The following DLG2 variants were observed in gnomAD, a reference collection of about 807,000 sequenced individuals.
DLG2 encodes discs large MAGUK scaffold protein 2, also known as disks large homolog 2.
Under a neutral mutation model 132.5 loss-of-function variants are expected in DLG2, and 45 were observed. The observed-to-expected ratio is 0.34, with a 90% CI of 0.27 to 0.44. The LOEUF is 0.44. Ranked by LOEUF, DLG2 falls within the 20% of genes least tolerant of loss-of-function variation. DLG2 has a pLI of 1.00. For synonymous variants in DLG2, 424 were observed against 419.6 expected, an observed-to-expected ratio of 1.01 and a Z score of -0.13; for missense variants, 1,045 against 1,196.9, an observed-to-expected ratio of 0.87 and a Z score of 1.87.
At chr11:83,580,803 CCCCTG>C in intron 19 of DLG2, among the ~76,000 whole-genome samples, 2 of 127,974 alleles carry the variant, frequency 1.6e-5, no homozygotes, top group South Asian at 3.0e-4. Flanking sequence ...CTCCCTCCCT[CCCCTG>C]CCCCGCCAGG....
At chr11:85,012,650 CAA>C (rs749792411) in intron 6 of DLG2, among the ~76,000 whole-genome samples, 12 of 151,922 alleles carry the variant, frequency 7.9e-5, no homozygotes, top group South Asian at 2.1e-4. Context: ...GCTGATTAAA[CAA>C]ATAGATAAAT....
At chr11:84,571,744 G>A (rs919356774) in intron 6 of DLG2, among the ~76,000 whole-genome samples, 3 of 152,210 alleles carry the variant, frequency 2.0e-5, no homozygotes, top group Non-Finnish European at 2.9e-5. Context: ...AGTGAGTGGT[G>A]TGGATATGAG....
intron 4 of DLG2, among the ~76,000 whole-genome samples, chr11:85,172,946 A>G (rs747607050): frequency 6.6e-6 from 1 of 152,180 alleles, no homozygotes. Flanking sequence ...TGAACAAACC[A>G]AACCTCTGAG....
At chr11:85,406,543 C>T (rs367678823) in intron 3 of DLG2, among the ~76,000 whole-genome samples, 3 of 151,960 alleles carry the variant, frequency 2.0e-5, no homozygotes, top group East Asian at 1.9e-4. Flanking sequence ...CCAATTACAA[C>T]TTTAGTGGCT....
intron 6 of DLG2, among the ~76,000 whole-genome samples, chr11:84,852,340 C>T (rs2082260258): frequency 6.6e-6 from 1 of 151,972 alleles, no homozygotes; most frequent in Non-Finnish European, 1.5e-5. Flanking sequence ...ATCAAGAAAA[C>T]GTGATGCAAG....
intron 3 of DLG2, among the ~76,000 whole-genome samples, chr11:85,355,104 G>A (rs550194186): frequency 1.3e-5 from 2 of 152,008 alleles, no homozygotes; most frequent in Admixed American, 6.6e-5. Flanking sequence ...TATAATACAT[G>A]AAATTTTTGT....
chr11:85,267,493 T>A (rs548342419), intron 4 of DLG2, among the ~76,000 whole-genome samples: 1 of 152,154 alleles, frequency 6.6e-6, no homozygotes, highest in Non-Finnish European at 1.5e-5. Flanking sequence ...CTTATTTCTA[T>A]ACCCCCCACA....
chr11:84,304,606 T>C (rs1442400722), intron 7 of DLG2, among the ~76,000 whole-genome samples: 1 of 152,194 alleles, frequency 6.6e-6, no homozygotes, highest in Admixed American at 6.5e-5. Context: ...ACTCTGCCAT[T>C]GCAGCACAAA....
intron 6 of DLG2, among the ~76,000 whole-genome samples, chr11:84,881,081 G>A (rs563895842): frequency 7.2e-4 from 109 of 152,056 alleles, no homozygotes; most frequent in African/African-American, 2.6e-3. Flanking sequence ...CTGAAATATA[G>A]AATTTGTCAT....
chr11:83,850,170 T>TTGAGA (rs2059471743), intron 16 of DLG2, among the ~76,000 whole-genome samples: 2 of 60,972 alleles, frequency 3.3e-5, no homozygotes, highest in South Asian at 1.9e-3. Context: ...GTTTTTTTAC[T>TTGAGA]TGAGACGGAG....
intron 9 of DLG2, among the ~76,000 whole-genome samples, chr11:84,100,854 GA>G (rs2092460177): frequency 6.6e-6 from 1 of 152,036 alleles, no homozygotes; most frequent in Non-Finnish European, 1.5e-5. Flanking sequence ...AATTCTTATT[GA>G]CTAAATTTAT....
chr11:83,884,243 T>G (rs535469970), intron 15 of DLG2, among the ~76,000 whole-genome samples: 1 of 152,216 alleles, frequency 6.6e-6, no homozygotes, highest in African/African-American at 2.4e-5. Flanking sequence ...CCCACCCTAA[T>G]ACTGCGCTTT....
chr11:83,956,886 G>A (rs2087007423), intron 14 of DLG2, among the ~76,000 whole-genome samples: 1 of 152,210 alleles, frequency 6.6e-6, no homozygotes, highest in South Asian at 2.1e-4. Flanking sequence ...TGGCAAGTTT[G>A]TGTAACTTAG....
intron 6 of DLG2, among the ~76,000 whole-genome samples, chr11:85,050,985 C>A (rs892544084): frequency 2.6e-5 from 4 of 152,074 alleles, no homozygotes; most frequent in South Asian, 2.1e-4. Flanking sequence ...ATCATTAATG[C>A]CACAATGATT....
chr11:83,510,650 G>A (rs1465276894), intron 21 of DLG2, among the ~76,000 whole-genome samples: 1 of 152,016 alleles, frequency 6.6e-6, no homozygotes, highest in Admixed American at 6.6e-5. Context: ...CTTGTTTTCT[G>A]TCTCAGGCTC....
chr11:85,509,753 A>T (rs944807798), intron 3 of DLG2, among the ~76,000 whole-genome samples: 6 of 152,100 alleles, frequency 3.9e-5, no homozygotes, highest in African/African-American at 1.4e-4. Flanking sequence ...ACTGGGATAG[A>T]GGTTAAAAAG....
chr11:83,614,132 A>G (rs1273713667), intron 19 of DLG2, among the ~76,000 whole-genome samples: 1 of 152,166 alleles, frequency 6.6e-6, no homozygotes, highest in Non-Finnish European at 1.5e-5. Flanking sequence ...TGAGTTCCAA[A>G]TTCAGTGTAG....
intron 6 of DLG2, among the ~76,000 whole-genome samples, chr11:84,839,697 A>ACAAC (rs1455059444): frequency 6.6e-5 from 10 of 150,594 alleles, no homozygotes; most frequent in Admixed American, 2.0e-4. Flanking sequence ...CCACACATCT[A>ACAAC]CATCTGATCT....
At chr11:83,697,914 G>A (rs2082207707) in intron 18 of DLG2, among the ~76,000 whole-genome samples, 1 of 152,132 alleles carries the variant, frequency 6.6e-6, no homozygotes, top group African/African-American at 2.4e-5. Flanking sequence ...TAAAAGACTT[G>A]CAATGGGTTT....
Sources: gnomAD v4.1 joint callset for allele counts (sites outside exome capture counted in the v4.1 genomes callset) on GRCh38, gnomAD v4.1.1 for gene constraint, MANE v1.5 for transcripts, NCBI Gene and HGNC (gene_info 2026-07-23, HGNC 2026-07-21) for gene names.